The following EML5 variants were observed in gnomAD, a reference collection of about 807,000 sequenced individuals.
EML5 encodes the protein echinoderm microtubule-associated protein-like 5.
In EML5, 120 loss-of-function variants were observed where a neutral mutation model predicts 250.0. The observed-to-expected ratio is 0.48, with a 90% CI of 0.41 to 0.56. The LOEUF is 0.56. EML5 is among the 20% of genes least tolerant of loss of function. EML5 has a pLI of 0.00. For synonymous variants in EML5, 771 were observed against 806.5 expected (o/e 0.96, Z 0.75); for missense variants, 2,006 against 2,437.6 (o/e 0.82, Z 3.73).
intron 28 of EML5, among the ~76,000 whole-genome samples, chr14:88,647,206 C>CA (rs1322259634): frequency 6.6e-6 from 1 of 151,866 alleles, no homozygotes; most frequent in East Asian, 1.9e-4. Context: ...ACTAAAAATA[C>CA]AAAAAACATT....
At chr14:88,664,075 C>T (rs573907763) in intron 23 of EML5, among the ~76,000 whole-genome samples, 3 of 151,370 alleles carry the variant, frequency 2.0e-5, no homozygotes, top group South Asian at 2.1e-4. Flanking sequence ...TCCAGGAGTT[C>T]GGGACCAGCC....
intron 21 of EML5, among the ~76,000 whole-genome samples, chr14:88,678,461 A>T (rs956801619): frequency 5.3e-5 from 8 of 152,068 alleles, no homozygotes; most frequent in African/African-American, 1.2e-4. Flanking sequence ...ATAAAAAAAA[A>T]TTTTAAAGCC....
At chr14:88,616,916 AGTG>A (rs763874854) in intron 41 of EML5, 37 bp from the exon 42 acceptor site, 4 of 1,602,190 alleles carry the variant, frequency 2.5e-6, no homozygotes, top group Non-Finnish European at 3.4e-6. Flanking sequence ...CATCATGGCA[AGTG>A]CGGGCAGGTT....
intron 8 of EML5, among the ~76,000 whole-genome samples, chr14:88,717,879 T>C (rs1034511989): frequency 6.6e-6 from 1 of 152,216 alleles, no homozygotes; most frequent in Non-Finnish European, 1.5e-5. Context: ...AAAGTGAGCT[T>C]CTTTAAAATA....
At chr14:88,729,858 GTCTTGTTTTTTGTTTT>G (rs989225056) in intron 7 of EML5, among the ~76,000 whole-genome samples, 6 of 115,030 alleles carry the variant, frequency 5.2e-5, no homozygotes, top group Non-Finnish European at 8.3e-5. Context: ...ACCACACTCG[GTCTTGTTTTTTGTTTT>G]TTTTTTTTGT....
intron 12 of EML5, 99 bp from the exon 13 acceptor site, chr14:88,705,077 C>T (rs372421058): frequency 5.0e-5 from 38 of 764,250 alleles, no homozygotes; most frequent in East Asian, 4.7e-4. Context: ...CTGAAAACAA[C>T]AGCTTTAATA....
intron 28 of EML5, among the ~76,000 whole-genome samples, chr14:88,648,665 A>G (rs1268817017): frequency 6.6e-6 from 1 of 152,024 alleles, no homozygotes; most frequent in African/African-American, 2.4e-5. Context: ...TCAATTAACT[A>G]TTCTTTATAT....
Position 88,715,010 on chromosome 14 carries a change from T to A in EML5, c.1373A>T (p.Asp458Val). 1 of 1,613,908 alleles carries A rather than the reference T, an allele frequency of 6.2e-7. No individual in the cohort carries two copies. The highest frequency in any genetic ancestry group is 2.2e-5 in the East Asian group (1 of 44,854). ...CAAATATCTACTGTCTGAAGACCAG[T>A]CCAGATGAGTGATGAAACTAAGGGA... ...LGSLSFITHL[D>V]WSSDSRYLQT... is the part of the protein sequence containing the mutation. The change falls in exon 9 of 44, where the codon GAC becomes GTC. Residue 458 changes from aspartate (D) to valine (V), a missense_variant. This residue lies in a region of EML5 where 1,375 missense variants were observed against 1,590.3 expected (regional missense o/e 0.86). Transcript: ENST00000554922.
intron 21 of EML5, 133 bp from the exon 22 acceptor site, chr14:88,665,622 G>T (rs2092284835): frequency 7.0e-6 from 8 of 1,142,484 alleles, no homozygotes; most frequent in Non-Finnish European, 3.7e-6. Context: ...CGGCCAGGAG[G>T]TTAAGACCAG....
At chr14:88,655,563 T>A (rs1270118740) in intron 27 of EML5, among the ~76,000 whole-genome samples, 1 of 152,160 alleles carries the variant, frequency 6.6e-6, no homozygotes, top group African/African-American at 2.4e-5. Context: ...GGACTTGGCA[T>A]GGGCAAACAC....
chr14:88,790,962 T>A (rs963553379), intron 1 of EML5, among the ~76,000 whole-genome samples: 4 of 152,178 alleles, frequency 2.6e-5, no homozygotes, highest in Admixed American at 2.0e-4. Context: ...AGTTACCTTT[T>A]CAAAGTAATA....
At chr14:88,759,159 TCA>T (rs945985497) in intron 1 of EML5, among the ~76,000 whole-genome samples, 2 of 147,738 alleles carry the variant, frequency 1.4e-5, no homozygotes, top group African/African-American at 2.6e-5. Context: ...GAATCATATC[TCA>T]GTTTTTAAAA....
At chr14:88,670,892 G>A (rs115963898) in intron 21 of EML5, among the ~76,000 whole-genome samples, 1,614 of 152,032 alleles carry the variant, frequency 0.011, 34 homozygotes, top group African/African-American at 0.037. Context: ...GAAAAGGAAT[G>A]AGCAAAACCT....
At chr14:88,665,632 G>T in intron 21 of EML5, 143 bp from the exon 22 acceptor site, 1 of 1,052,228 alleles carries the variant, frequency 9.5e-7, no homozygotes, top group Non-Finnish European at 1.4e-6. Flanking sequence ...GTTAAGACCA[G>T]CCCGGGCAAC....
chr14:88,762,516 A>G (rs919985776), intron 1 of EML5, among the ~76,000 whole-genome samples: 13 of 151,132 alleles, frequency 8.6e-5, no homozygotes, highest in African/African-American at 1.5e-4. Context: ...ATCTCGGGGG[A>G]AAAAAAAAGA....
intron 7 of EML5, among the ~76,000 whole-genome samples, chr14:88,734,690 G>C (rs1319118335): frequency 1.3e-5 from 2 of 152,056 alleles, no homozygotes; most frequent in African/African-American, 4.8e-5. Context: ...CACCACCTAG[G>C]AAATATCCTG....
intron 7 of EML5, among the ~76,000 whole-genome samples, chr14:88,734,709 T>C (rs1431253728): frequency 6.6e-6 from 1 of 152,096 alleles, no homozygotes; most frequent in Non-Finnish European, 1.5e-5. Context: ...TGAAAATTCA[T>C]AACTGTATCT....
At chr14:88,684,832 CATTA>C (rs2092795382) in intron 20 of EML5, among the ~76,000 whole-genome samples, 179 bp downstream of exon 20, 1 of 151,738 alleles carries the variant, frequency 6.6e-6, no homozygotes. Flanking sequence ...TTTCTGTATA[CATTA>C]ATTTTTTCTG....
intron 12 of EML5, among the ~76,000 whole-genome samples, 151 bp from the exon 13 acceptor site, chr14:88,705,129 C>T (rs907176274): frequency 3.3e-5 from 5 of 151,994 alleles, no homozygotes; most frequent in East Asian, 3.9e-4. Flanking sequence ...TTTACTCCCT[C>T]GGAAAGAACA....
Sources: allele counts gnomAD v4.1 joint callset (sites outside exome capture counted in the v4.1 genomes callset), GRCh38; gene constraint gnomAD v4.1.1; regional missense constraint gnomAD v4.1.1; transcripts MANE v1.5; gene names NCBI Gene and HGNC (gene_info 2026-07-23, HGNC 2026-07-21).